The following ZNF138 variants were observed in gnomAD, a reference collection of about 807,000 sequenced individuals.
ZNF138 encodes zinc finger protein 138.
A neutral mutation model predicts 33.0 loss-of-function variants in ZNF138; 33 were observed. The ratio of observed to expected loss-of-function variants is 1.00; its 90% CI spans 0.76 to 1.34. The LOEUF (loss-of-function observed/expected upper bound fraction) is 1.34. ZNF138 is among the 40% of genes most tolerant of loss of function. ZNF138 has a pLI of 0.00. For synonymous variants in ZNF138, 139 were observed against 120.4 expected (o/e 1.15, Z -1.01); for missense variants, 360 against 370.8 (o/e 0.97, Z 0.24).
intron 1 of ZNF138, among the ~76,000 whole-genome samples, chr7:64,809,947 G>A (rs1172346795): frequency 6.5e-5 from 6 of 91,892 alleles, no homozygotes; most frequent in Non-Finnish European, 4.5e-5. Context: ...GATGGCGGCC[G>A]GGCGGAGACG....
At position 64,832,736 on chromosome 7, in the gene ZNF138, T is replaced by C; in HGVS notation, c.*534T>C. The C allele has an allele frequency of 2.2e-6, 1 of 452,200 alleles. No individual in the cohort carries two copies. The highest frequency in any genetic ancestry group is 4.5e-6 in the Non-Finnish European group (1 of 223,830). The allele number at this position is 452,200 out of a possible 1,614,324, so 28.0% of individuals were successfully genotyped here. Reference sequence around the variant, plus strand: ...TTACTGCACATAAGATCATTCATACTGGAGAGAAACCTTACAAATGTGAGG... The same window carrying C: ...TTACTGCACATAAGATCATTCATACCGGAGAGAAACCTTACAAATGTGAGG... On this transcript the variant is annotated 3_prime_UTR_variant, in exon 4 of 4. Transcript: ENST00000307355.
the ZNF138 span, among the ~76,000 whole-genome samples, chr7:64,839,053 TGGCGGCAGC>T: frequency 6.6e-6 from 1 of 152,114 alleles, no homozygotes; most frequent in Non-Finnish European, 1.5e-5. Context: ...CGAAAACACT[TGGCGGCAGC>T]GGTCTGACGA....
At chr7:64,829,758 A>G (rs1466462038) in intron 3 of ZNF138, among the ~76,000 whole-genome samples, 2 of 151,868 alleles carry the variant, frequency 1.3e-5, no homozygotes, top group African/African-American at 2.4e-5. Flanking sequence ...CACTATTATG[A>G]TAATGCTAAG....
At chr7:64,797,817 A>G (rs1172937007) in intron 1 of ZNF138, among the ~76,000 whole-genome samples, 1 of 152,236 alleles carries the variant, frequency 6.6e-6, no homozygotes, top group Non-Finnish European at 1.5e-5. Flanking sequence ...CCAACTATAT[A>G]ATCTTTAAGG....
chr7:64,807,848 G>A (rs1245297458), intron 1 of ZNF138, among the ~76,000 whole-genome samples: 1 of 152,168 alleles, frequency 6.6e-6, no homozygotes, highest in African/African-American at 2.4e-5. Flanking sequence ...GTGTAAACAA[G>A]CATCTTAGGA....
the ZNF138 span, among the ~76,000 whole-genome samples, chr7:64,859,333 A>T: frequency 6.6e-6 from 1 of 152,208 alleles, no homozygotes; most frequent in South Asian, 2.1e-4. Flanking sequence ...GAGTCCTAAG[A>T]GATTCAGTTT....
At chr7:64,798,107 A>ATTT (rs1409859921) in intron 1 of ZNF138, among the ~76,000 whole-genome samples, 2 of 152,060 alleles carry the variant, frequency 1.3e-5, no homozygotes, top group Admixed American at 6.6e-5. Flanking sequence ...TGCCGGGCTA[A>ATTT]TTTTTGTATT....
chr7:64,794,560 A>G lies in ZNF138; in HGVS notation c.-9A>G. 6.2e-7 allele frequency: 1 copy of G among 1,613,572 alleles called. No homozygotes were observed. Among genetic ancestry groups the G allele is most frequent in the Non-Finnish European group, 8.5e-7 (1 of 1,179,634 alleles). On this transcript the variant is annotated 5_prime_UTR_variant, in exon 1 of 4. Transcript: ENST00000307355. The stretch of plus-strand genomic sequence containing the variant: ...AGCTAAGACGCCAGGATCCCCCGGA[A>G]GCCTAGAAATGGTGAGAGTGCTGGG...
At chr7:64,845,245 G>A in the ZNF138 span, among the ~76,000 whole-genome samples, 1 of 152,178 alleles carries the variant, frequency 6.6e-6, no homozygotes, top group Non-Finnish European at 1.5e-5. Flanking sequence ...TATCCAGGCT[G>A]CTGTGAATTA....
chr7:64,834,857 A>AC (rs1790316495), downstream of ZNF138, among the ~76,000 whole-genome samples: 2 of 152,234 alleles, frequency 1.3e-5, no homozygotes, highest in South Asian at 4.1e-4. Context: ...ATATAATTTT[A>AC]CTAATTGTAC....
chr7:64,845,514 G>C, the ZNF138 span, among the ~76,000 whole-genome samples: 1 of 152,192 alleles, frequency 6.6e-6, no homozygotes, highest in African/African-American at 2.4e-5. Context: ...CTTTTTCATA[G>C]TGGTTGTGCT....
intron 3 of ZNF138, among the ~76,000 whole-genome samples, chr7:64,817,961 G>A (rs916167137): frequency 4.0e-5 from 6 of 149,218 alleles, no homozygotes; most frequent in African/African-American, 1.5e-4. Flanking sequence ...TCTTCAGCCT[G>A]TATCTTAATA....
chr7:64,802,548 T>C (rs903069138), intron 1 of ZNF138, among the ~76,000 whole-genome samples: 4 of 152,094 alleles, frequency 2.6e-5, no homozygotes, highest in Non-Finnish European at 5.9e-5. Context: ...TGTCTCATAA[T>C]GTTACGCCAG....
At chr7:64,850,115 C>A in the ZNF138 span, among the ~76,000 whole-genome samples, 1 of 152,222 alleles carries the variant, frequency 6.6e-6, no homozygotes, top group Non-Finnish European at 1.5e-5. Context: ...CAGAGCCCAC[C>A]GGGCTTTTCC....
chr7:64,828,814 A>G (rs1262774035), intron 3 of ZNF138, among the ~76,000 whole-genome samples: 1 of 150,914 alleles, frequency 6.6e-6, no homozygotes, highest in Non-Finnish European at 1.5e-5. Flanking sequence ...TCAGTACTTT[A>G]TTGTCTCTCG....
intron 3 of ZNF138, among the ~76,000 whole-genome samples, chr7:64,824,222 A>T (rs1301125594): frequency 6.6e-6 from 1 of 152,182 alleles, no homozygotes; most frequent in Non-Finnish European, 1.5e-5. Context: ...AAAAAAATTT[A>T]CACTTAATTC....
the ZNF138 span, among the ~76,000 whole-genome samples, chr7:64,849,303 G>A: frequency 6.6e-6 from 1 of 152,204 alleles, no homozygotes; most frequent in African/African-American, 2.4e-5. Context: ...TTGTCTGCAG[G>A]TCTCTCAGCT....
the ZNF138 span, among the ~76,000 whole-genome samples, chr7:64,843,739 G>C: frequency 1.3e-5 from 2 of 152,058 alleles, no homozygotes; most frequent in Admixed American, 6.6e-5. Flanking sequence ...GATTGTATCA[G>C]ATTCCATGCA....
the ZNF138 span, among the ~76,000 whole-genome samples, chr7:64,843,546 T>A: frequency 0.33 from 50,119 of 152,036 alleles, 8,901 homozygotes; most frequent in Non-Finnish European, 0.39. Flanking sequence ...TAACTGATAT[T>A]GAGCATTTTT....
Sources: allele counts gnomAD v4.1 joint callset (sites outside exome capture counted in the v4.1 genomes callset), GRCh38; gene constraint gnomAD v4.1.1; transcripts MANE v1.5; gene names NCBI Gene and HGNC (gene_info 2026-07-23, HGNC 2026-07-21).